The following TMEM40 variants were observed in gnomAD, a reference collection of about 807,000 sequenced individuals.
The protein encoded by TMEM40 is transmembrane protein 40.
A neutral mutation model predicts 40.8 loss-of-function variants in TMEM40; 34 were observed. That is an observed-to-expected ratio of 0.83 (90% CI 0.63 to 1.11). TMEM40 has a LOEUF of 1.11. Ranked by LOEUF, TMEM40 falls within the 50% of genes least tolerant of loss-of-function variation. The probability of loss-of-function intolerance (pLI) is 0.00; values close to 1 mark genes in which losing one functional copy is unlikely to be tolerated. For missense variants in TMEM40, 296 were observed against 280.2 expected (o/e 1.06, Z -0.40); for synonymous variants, 106 against 107.0 (o/e 0.99, Z 0.06).
chr3:12,755,221 CTCTCTCTCTCTCTCTTTCTT>C (rs2061513568), intron 1 of TMEM40, among the ~76,000 whole-genome samples: 2 of 82,980 alleles, frequency 2.4e-5, no homozygotes, highest in African/African-American at 1.4e-4. Context: ...CTTTCTCTCT[CTCTCTCTCTCTCTCTTTCTT>C]TCTTTCTTTC....
intron 3 of TMEM40, among the ~76,000 whole-genome samples, chr3:12,745,275 T>C (rs1006213431): frequency 6.0e-5 from 9 of 149,380 alleles, no homozygotes; most frequent in African/African-American, 2.0e-4. Context: ...ACCATGTTAG[T>C]GAGGCTGGTC....
At chr3:12,749,677 G>T in intron 2 of TMEM40, 83 bp downstream of exon 2, 1 of 1,269,438 alleles carries the variant, frequency 7.9e-7, no homozygotes, top group Non-Finnish European at 1.1e-6. Flanking sequence ...CGTGAGTTGA[G>T]CAGGGTCTTC....
At chr3:12,759,736 C>G (rs1390025795), upstream of TMEM40, among the ~76,000 whole-genome samples, 2 of 152,180 alleles carry the variant, frequency 1.3e-5, no homozygotes, top group Non-Finnish European at 2.9e-5. Context: ...GCAGTGCCCA[C>G]TCCTAGGGAG....
At chr3:12,747,960 T>C (rs1279454096) in intron 3 of TMEM40, among the ~76,000 whole-genome samples, 2 of 145,288 alleles carry the variant, frequency 1.4e-5, no homozygotes, top group Non-Finnish European at 3.0e-5. Flanking sequence ...GTTGTTCCTC[T>C]AAACCCACTA....
intron 7 of TMEM40, 174 bp downstream of exon 7, chr3:12,737,962 G>T: frequency 2.0e-6 from 2 of 982,226 alleles, no homozygotes; most frequent in Non-Finnish European, 3.1e-6. Flanking sequence ...GCCCGAGTCT[G>T]CCTTCCTTTC....
At chr3:12,762,959 A>G (rs2106624344), upstream of TMEM40, among the ~76,000 whole-genome samples, 1 of 152,132 alleles carries the variant, frequency 6.6e-6, no homozygotes, top group Non-Finnish European at 1.5e-5. Flanking sequence ...GGAGATGGAG[A>G]CCATCCTGGC....
Position 12,736,449 on chromosome 3 carries a change from C to T in TMEM40, c.619+129G>A. On this transcript the variant is annotated intron_variant, in intron 10 of 11. Coordinates refer to ENST00000314124, the MANE Select transcript of TMEM40 (RefSeq NM_018306.4). ...ACAGGCGTAAGCCACCGCGCCTGGC[C>T]AGAAAATTTTTTTAAAAGTGTAGAT... 6 of 1,229,230 alleles carry T rather than the reference C, an allele frequency of 4.9e-6. No homozygotes were observed. In the South Asian group the frequency reaches 8.8e-5, roughly 18 times the overall value. The allele number at this position is 1,229,230 out of a possible 1,614,324, so 76.1% of individuals were successfully genotyped here.
At chr3:12,765,771 G>T (rs990714966) in intron 1 of TMEM40, among the ~76,000 whole-genome samples, 1 of 151,952 alleles carries the variant, frequency 6.6e-6, no homozygotes, top group Non-Finnish European at 1.5e-5. Context: ...GGGTTTCACC[G>T]TGTTAATCAG....
At chr3:12,735,064 G>C in intron 11 of TMEM40, among the ~76,000 whole-genome samples, 1 of 152,184 alleles carries the variant, frequency 6.6e-6, no homozygotes, top group East Asian at 1.9e-4. Context: ...TGTTAGTCAA[G>C]AAAGACGATG....
exon 1 of TMEM40, chr3:12,769,256 G>T (rs7641959): frequency 2.4e-6 from 1 of 411,358 alleles, no homozygotes. Flanking sequence ...CATACCTCCC[G>T]GAAGGCTGAG....
At position 12,734,785 on chromosome 3, in the gene TMEM40, T is replaced by C. The variant is rs1333571568; in HGVS notation, c.691A>G (p.Lys231Glu). ...FQKFRLTGFR[K>E]TD The stretch of plus-strand genomic sequence containing the variant: ...ACCTGGAAGTGGCCTCAGTCAGTCT[T>C]CCTGAACCCTGGAAGGCAAAGACCA... Residue 231 changes from lysine to glutamate, a missense_variant, in exon 12 of 12, where the codon AAG (lysine) becomes GAG (glutamate). Transcript: ENST00000314124. The C allele has an allele frequency of 6.3e-7, 1 of 1,599,692 alleles. No homozygotes were observed. The highest frequency in any genetic ancestry group is 8.5e-7 in the Non-Finnish European group (1 of 1,173,560).
chr3:12,748,753 C>T lies in TMEM40; in HGVS notation c.113G>A (p.Gly38Glu). 6.2e-7 allele frequency: 1 copy of T among 1,614,062 alleles called. No homozygotes were observed. The highest frequency in any genetic ancestry group is 8.5e-7 in the Non-Finnish European group (1 of 1,179,984). ...TDFHKQDGKA[G>E]LFSQEQYERN... ...CTCATATTGTTCTTGGGAAAAGAGT[C>T]CAGCCTTCCCATCTTGCTTGTGGAA... The change falls in exon 3 of 12, where the codon GGA (glycine) becomes GAA (glutamate). Residue 38 changes from glycine (G) to glutamate (E), a missense_variant. Physicochemically the swap from Gly to Glu is moderately conservative, Grantham distance 98. Coordinates refer to ENST00000314124, the MANE Select transcript of TMEM40 (RefSeq NM_018306.4).
chr3:12,743,114 T>C (rs2061396267), intron 4 of TMEM40, among the ~76,000 whole-genome samples: 1 of 152,204 alleles, frequency 6.6e-6, no homozygotes, highest in Non-Finnish European at 1.5e-5. Context: ...CCATGCTCTT[T>C]CCTTCTTATG....
chr3:12,738,482 G>A, intron 6 of TMEM40, 71 bp downstream of exon 6: 19 of 1,538,550 alleles, frequency 1.2e-5, no homozygotes, highest in Middle Eastern at 1.7e-4. Context: ...GGCTCTCTTG[G>A]GGGAGAGGTG....
In TMEM40 at chr3:12,736,439, C is replaced by T. The variant is rs938975469; in HGVS notation, c.619+139G>A. 2.6e-5 allele frequency: 27 copies of T among 1,035,998 alleles called. No homozygotes were observed. The South Asian group carries it at 2.9e-4, about 11-fold the overall frequency. The allele number at this position is 1,035,998 out of a possible 1,614,324, so 64.2% of individuals were successfully genotyped here. On this transcript the variant is annotated intron_variant, in intron 10 of 11. Transcript: ENST00000314124. Reference sequence around the variant, plus strand: ...TGCTGGGATTACAGGCGTAAGCCACCGCGCCTGGCCAGAAAATTTTTTTAA... The same window carrying T: ...TGCTGGGATTACAGGCGTAAGCCACTGCGCCTGGCCAGAAAATTTTTTTAA...
intron 1 of TMEM40, among the ~76,000 whole-genome samples, chr3:12,765,876 G>C (rs2061591840): frequency 6.6e-6 from 1 of 150,862 alleles, no homozygotes; most frequent in Non-Finnish European, 1.5e-5. Context: ...TTCTTTCTGA[G>C]ACATGGTCTT....
intron 5 of TMEM40, 179 bp from the exon 6 acceptor site, chr3:12,738,767 A>G (rs2061358679): frequency 6.6e-6 from 4 of 606,590 alleles, no homozygotes. Flanking sequence ...ACCACCCACC[A>G]GCCACAGAAA....
chr3:12,748,148 A>G (rs915707286), intron 3 of TMEM40, among the ~76,000 whole-genome samples: 15 of 152,118 alleles, frequency 9.9e-5, no homozygotes, highest in African/African-American at 3.1e-4. Context: ...TGTATAACGA[A>G]TTTCATCCTC....
chr3:12,765,767 C>T (rs111288716), intron 1 of TMEM40, among the ~76,000 whole-genome samples: 2,492 of 152,126 alleles, frequency 0.016, 70 homozygotes, highest in African/African-American at 0.057. Context: ...GACTGGGTTT[C>T]ACCGTGTTAA....
Sources: allele counts gnomAD v4.1 joint callset (sites outside exome capture counted in the v4.1 genomes callset), GRCh38; gene constraint gnomAD v4.1.1; transcripts MANE v1.5; gene names NCBI Gene and HGNC (gene_info 2026-07-23, HGNC 2026-07-21).